HECTD2: variants seen among roughly 807,000 people sequenced by gnomAD.
The protein encoded by HECTD2 is probable E3 ubiquitin-protein ligase HECTD2.
HECTD2 carries 35 observed loss-of-function variants against 103.2 expected under a neutral mutation model. The observed-to-expected ratio is 0.34, with a 90% CI of 0.26 to 0.45. HECTD2 has a LOEUF of 0.45. Ranked by LOEUF, HECTD2 falls within the 20% of genes least tolerant of loss-of-function variation. HECTD2 has a pLI of 1.00. For synonymous variants in HECTD2, 281 were observed against 329.9 expected, an observed-to-expected ratio of 0.85 and a Z score of 1.61; for missense variants, 596 against 937.4, an observed-to-expected ratio of 0.64 and a Z score of 4.76.
rs555429377 is a variant in HECTD2 at position 91,444,060 on chromosome 10, C to G, written c.269-16367C>G. 3.3e-5 allele frequency among the ~76,000 whole-genome samples: 5 copies of G among 152,250 alleles called. No individual in the cohort carries two copies. In the East Asian group the frequency reaches 9.6e-4, roughly 29 times the overall value. On this transcript the variant is annotated intron_variant, in intron 2 of 20. Transcript: ENST00000298068. ...ATAAATGATAGTCATCTCCTCTCTT[C>G]AACACCAGTCTTATTACTATTATTT...
At chr10:91,509,359 G>C (rs1847332201) in intron 20 of HECTD2, among the ~76,000 whole-genome samples, 2 of 152,122 alleles carry the variant, frequency 1.3e-5, no homozygotes, top group Admixed American at 6.5e-5. Flanking sequence ...ATACACTGCT[G>C]GTGGGAATGT....
At chr10:91,427,754 T>C (rs1200737925) in intron 2 of HECTD2, among the ~76,000 whole-genome samples, 2 of 152,188 alleles carry the variant, frequency 1.3e-5, no homozygotes, top group Non-Finnish European at 2.9e-5. Flanking sequence ...ATTAGCCCTT[T>C]GTCAGATGAG....
At chr10:91,485,981 C>T (rs866076104) in intron 10 of HECTD2, 4 of 152,080 alleles carry the variant, frequency 2.6e-5, no homozygotes, top group Admixed American at 6.6e-5. Context: ...TTATTTAATA[C>T]ACTGCACTTT....
At chr10:91,495,108 A>G (rs552269298) in intron 14 of HECTD2, among the ~76,000 whole-genome samples, 84 of 152,160 alleles carry the variant, frequency 5.5e-4, no homozygotes, top group African/African-American at 2.0e-3. Context: ...TATCACACAC[A>G]CAGATATAAA....
chr10:91,503,582 C>T (rs1847004947), intron 20 of HECTD2, among the ~76,000 whole-genome samples: 1 of 152,218 alleles, frequency 6.6e-6, no homozygotes, highest in African/African-American at 2.4e-5. Flanking sequence ...GCTTAAAAAA[C>T]GGTGCACCAC....
chr10:91,511,951 A>T (rs1847439315), intron 20 of HECTD2, among the ~76,000 whole-genome samples: 1 of 152,232 alleles, frequency 6.6e-6, no homozygotes, highest in African/African-American at 2.4e-5. Context: ...ACAAGACCCC[A>T]CAGCTAGTAA....
intron 2 of HECTD2, among the ~76,000 whole-genome samples, chr10:91,431,773 A>G (rs1265863955): frequency 1.3e-5 from 2 of 151,782 alleles, no homozygotes; most frequent in Non-Finnish European, 2.9e-5. Context: ...TTCTAGTTAT[A>G]TATTCTTCTA....
chr10:91,425,536 A>G (rs1379569128), intron 2 of HECTD2, 126 bp downstream of exon 2: 2 of 585,340 alleles, frequency 3.4e-6, no homozygotes, highest in East Asian at 3.6e-5. Flanking sequence ...CTGTATACGT[A>G]TTTACCAGAA....
intron 2 of HECTD2, among the ~76,000 whole-genome samples, chr10:91,429,149 T>C (rs2133054351): frequency 6.6e-6 from 1 of 152,044 alleles, no homozygotes; most frequent in East Asian, 1.9e-4. Context: ...GTGGTTTTTG[T>C]CTTTGGTTCT....
chr10:91,431,804 A>C lies in HECTD2; in HGVS notation c.268+6394A>C, dbSNP rs931262774. Among the ~76,000 whole-genome samples, 7 of 152,058 alleles carry C rather than the reference A, an allele frequency of 4.6e-5. 1 individual carries two copies. The highest frequency in any genetic ancestry group is 3.3e-4 in the Admixed American group (5 of 15,256). On this transcript the variant is annotated intron_variant, in intron 2 of 20. Transcript: ENST00000298068. ...TTCTAAAATTTTTTCAAAGTTTTCA[A>C]CTTCTTTGCCTTTGGTTTGAATTTC...
At chr10:91,484,379 T>A in intron 8 of HECTD2, 128 bp from the exon 9 acceptor site, 2 of 1,442,772 alleles carry the variant, frequency 1.4e-6, no homozygotes, top group Non-Finnish European at 1.9e-6. Flanking sequence ...TGTTTGGCAA[T>A]TTAAGAAATA....
rs1846427142 is a variant in HECTD2, at chr10:91,490,541, T to C, written c.1192-659T>C. Among the ~76,000 whole-genome samples the C allele has an allele frequency of 2.6e-5, 4 of 152,112 alleles. No homozygotes were observed. In the South Asian group the frequency reaches 8.3e-4, roughly 32 times the overall value. On this transcript the variant is annotated intron_variant, in intron 11 of 20. Transcript: ENST00000298068. The stretch of plus-strand genomic sequence containing the variant: ...TTTATCATCAGGAATATATACCTTG[T>C]TTTGAATGTTCCCATTTTATATTTG...
chr10:91,492,532 T>G lies in HECTD2; in HGVS notation c.1432+48T>G, dbSNP rs373580957. 3.7e-6 allele frequency: 5 copies of G among 1,345,518 alleles called. No homozygotes were observed. The African/African-American group carries it at 5.8e-5, about 16-fold the overall frequency. 83.3% of individuals were successfully genotyped at this position (1,345,518 alleles called of 1,614,324 possible). On this transcript the variant is annotated intron_variant, in intron 13 of 20. Transcript: ENST00000298068. ...ATAAACTGTGTTTCTTCATAATTGT[T>G]AGAGTGAAGTAGTCACCCTTATTTT...
intron 14 of HECTD2, among the ~76,000 whole-genome samples, chr10:91,495,068 A>G (rs935576128): frequency 6.6e-6 from 1 of 152,050 alleles, no homozygotes; most frequent in Non-Finnish European, 1.5e-5. Flanking sequence ...TCTAAAAATT[A>G]TAATTGCTAC....
rs1437423672 is a variant in HECTD2 at position 91,447,718 on chromosome 10, AAG to A, written c.269-12707_269-12706del. On this transcript the variant is annotated intron_variant, in intron 2 of 20. Coordinates refer to ENST00000298068, the MANE Select transcript of HECTD2 (RefSeq NM_182765.6). ...GAAAGCAAAAAAAAAAAGAAAAAAA[AAG>A]AAAAAAAAAAGCAAGGGTTGCAATC... Among the ~76,000 whole-genome samples the A allele has an allele frequency of 2.2e-3, 160 of 72,754 alleles. 1 individual carries two copies. The highest frequency in any genetic ancestry group is 5.2e-3 in the East Asian group (12 of 2,318). 47.7% of individuals were successfully genotyped at this position (72,754 alleles called of 152,430 possible).
chr10:91,485,438 A>T, intron 10 of HECTD2, 135 bp downstream of exon 10: 2 of 587,920 alleles, frequency 3.4e-6, no homozygotes, highest in Non-Finnish European at 5.6e-6. Context: ...TAGCCTTGAA[A>T]TATCATATTT....
chr10:91,507,913 C>T (rs1423735159), intron 20 of HECTD2, among the ~76,000 whole-genome samples: 1 of 136,096 alleles, frequency 7.3e-6, no homozygotes, highest in African/African-American at 3.6e-5. Context: ...GGTACTGGTA[C>T]CAAAACAGAG....
chr10:91,434,228 T>C (rs1364111652), intron 2 of HECTD2, among the ~76,000 whole-genome samples: 1 of 151,966 alleles, frequency 6.6e-6, no homozygotes, highest in African/African-American at 2.4e-5. Flanking sequence ...AGTCATCCTA[T>C]AGACAATGAT....
At chr10:91,436,358 T>G (rs532804495) in intron 2 of HECTD2, among the ~76,000 whole-genome samples, 1 of 152,044 alleles carries the variant, frequency 6.6e-6, no homozygotes, top group Non-Finnish European at 1.5e-5. Flanking sequence ...TAGTTATTTC[T>G]TCTTAGCCTA....
Sources: allele counts gnomAD v4.1 joint callset (sites outside exome capture counted in the v4.1 genomes callset), GRCh38; gene constraint gnomAD v4.1.1; transcripts MANE v1.5; gene names NCBI Gene and HGNC (gene_info 2026-07-23, HGNC 2026-07-21).